The following LRRC75A variants were observed in gnomAD, a reference collection of about 807,000 sequenced individuals.
The protein encoded by LRRC75A is leucine-rich repeat-containing protein 75A.
In LRRC75A, 12 loss-of-function variants were observed where a neutral mutation model predicts 26.0. The ratio of observed to expected loss-of-function variants is 0.46; its 90% confidence interval spans 0.30 to 0.75. The LOEUF is 0.75. Among genes scored for constraint, LRRC75A ranks in the 30% least tolerant of loss-of-function variants. The pLI is 0.08. For missense variants in LRRC75A, 410 were observed against 486.6 expected, an observed-to-expected ratio of 0.84 and a Z score of 1.48; for synonymous variants, 223 against 219.3, an observed-to-expected ratio of 1.02 and a Z score of -0.15.
At chr17:16,477,702 G>A (rs1374789543) in intron 1 of LRRC75A, among the ~76,000 whole-genome samples, 1 of 152,194 alleles carries the variant, frequency 6.6e-6, no homozygotes, top group Non-Finnish European at 1.5e-5. Flanking sequence ...CCAAGGGGCT[G>A]CCAGACTGCC....
intron 2 of LRRC75A, among the ~76,000 whole-genome samples, chr17:16,453,929 T>C (rs2093655857): frequency 6.6e-6 from 1 of 152,016 alleles, no homozygotes; most frequent in East Asian, 1.9e-4. Context: ...CTCCCTTCTG[T>C]CTTGAAGACC....
At chr17:16,458,760 C>T (rs762547786) in intron 2 of LRRC75A, among the ~76,000 whole-genome samples, 15 of 152,120 alleles carry the variant, frequency 9.9e-5, no homozygotes, top group African/African-American at 1.4e-4. Flanking sequence ...TGTGAGCCAC[C>T]GAGACTGGCA....
chr17:16,479,269 A>G (rs1568984679), intron 1 of LRRC75A, among the ~76,000 whole-genome samples: 2 of 152,196 alleles, frequency 1.3e-5, no homozygotes, highest in Non-Finnish European at 2.9e-5. Flanking sequence ...TCCTCGATTC[A>G]AGAGAAAGAG....
At chr17:16,455,662 G>A (rs1163170962) in intron 2 of LRRC75A, among the ~76,000 whole-genome samples, 2 of 152,088 alleles carry the variant, frequency 1.3e-5, no homozygotes, top group South Asian at 4.1e-4. Flanking sequence ...ACAAACTATA[G>A]TCCCATACCT....
chr17:16,464,733 C>A (rs1175721915), intron 1 of LRRC75A, among the ~76,000 whole-genome samples: 1 of 152,250 alleles, frequency 6.6e-6, no homozygotes, highest in Non-Finnish European at 1.5e-5. Flanking sequence ...AGAGTCCACA[C>A]TGGCCTCATG....
In LRRC75A at chr17:16,491,775, C is replaced by G; in HGVS notation, c.216G>C (p.Glu72Asp). ...GCAGGTGCTGCAGCAGCGTCCCCGC[C>G]TCCTCCCGCCGGCCCTGGCGCACCA... is the stretch of plus-strand genomic sequence containing the variant. ...LRMVRQGRRE[E>D]AGTLLQHLRQ... Residue 72 changes from glutamate to aspartate, a missense_variant, in exon 1 of 4, where the codon GAG (glutamate) becomes GAC (aspartate). Transcript: ENST00000470794. This position sits in a 1 kb window ranked among gnomAD's most constrained non-coding sequence, Gnocchi z 5.9. The G allele has an allele frequency of 7.0e-7, 1 of 1,431,046 alleles. No individual in the cohort carries two copies. The highest frequency in any genetic ancestry group is 9.1e-7 in the Non-Finnish European group (1 of 1,093,100). 88.6% of individuals were successfully genotyped at this position (1,431,046 alleles called of 1,614,324 possible). A position where few individuals can be genotyped will look rare whatever the true frequency, so the allele number is the denominator to read the frequency against.
At chr17:16,479,138 C>T (rs1015500894) in intron 1 of LRRC75A, among the ~76,000 whole-genome samples, 4 of 152,256 alleles carry the variant, frequency 2.6e-5, no homozygotes, top group African/African-American at 2.4e-5. Context: ...AGTCCAGATC[C>T]ACTCAGGTTG....
intron 2 of LRRC75A, among the ~76,000 whole-genome samples, chr17:16,452,099 C>T (rs2143015029): frequency 6.7e-6 from 1 of 150,118 alleles, no homozygotes; most frequent in African/African-American, 2.5e-5. Context: ...CTCTTGTAAT[C>T]CCAGCACTTT....
intron 2 of LRRC75A, among the ~76,000 whole-genome samples, chr17:16,451,818 C>T (rs998772256): frequency 1.3e-5 from 2 of 149,588 alleles, no homozygotes; most frequent in African/African-American, 4.9e-5. Context: ...GATCTTGGCT[C>T]ACTGCAAGCT....
At chr17:16,466,228 G>A (rs2093767827) in intron 1 of LRRC75A, among the ~76,000 whole-genome samples, 1 of 152,200 alleles carries the variant, frequency 6.6e-6, no homozygotes, top group Admixed American at 6.5e-5. Flanking sequence ...GGCTGGGTGT[G>A]AGGGAGGAGA....
chr17:16,459,808 C>T (rs1374502849), intron 2 of LRRC75A, among the ~76,000 whole-genome samples: 1 of 152,162 alleles, frequency 6.6e-6, no homozygotes, highest in Admixed American at 6.5e-5. Flanking sequence ...GCCTGGGGAC[C>T]TCCCACCCCT....
rs190449271 is a variant in LRRC75A, at chr17:16,445,081, T to A, written c.492-950A>T. On this transcript the variant is annotated intron_variant, in intron 3 of 3. Transcript: ENST00000470794. ...CCAGACTGGTCTGGAACTCCTGACC[T>A]CAGGTAATCCACCCATCTCGGCCTC... is the stretch of plus-strand genomic sequence containing the variant. Among the ~76,000 whole-genome samples, 126 of 148,970 alleles carry A rather than the reference T, an allele frequency of 8.5e-4. No homozygotes were observed. In the South Asian group the frequency reaches 0.01, roughly 12 times the overall value.
intron 2 of LRRC75A, among the ~76,000 whole-genome samples, chr17:16,451,658 C>A: frequency 6.6e-6 from 1 of 151,322 alleles, no homozygotes. Flanking sequence ...ATAAATAAAA[C>A]AGAGAATAGG....
chr17:16,464,387 A>G (rs1048856719), intron 1 of LRRC75A, among the ~76,000 whole-genome samples: 2 of 152,108 alleles, frequency 1.3e-5, no homozygotes, highest in Admixed American at 1.3e-4. Flanking sequence ...GGCTTTTTCA[A>G]TCCCTCAGCC....
intron 1 of LRRC75A, among the ~76,000 whole-genome samples, chr17:16,469,427 C>A (rs2093793684): frequency 6.6e-6 from 1 of 152,146 alleles, no homozygotes; most frequent in Non-Finnish European, 1.5e-5. Context: ...GGTTCAGGTT[C>A]CAGGGTATCT....
intron 1 of LRRC75A, among the ~76,000 whole-genome samples, chr17:16,488,632 G>A (rs1235304342): frequency 6.6e-6 from 1 of 152,214 alleles, no homozygotes; most frequent in Non-Finnish European, 1.5e-5. Context: ...ACTGAGGACC[G>A]GAAGGCGAGC....
At chr17:16,487,682 G>A (rs1220782844) in intron 1 of LRRC75A, among the ~76,000 whole-genome samples, 1 of 152,212 alleles carries the variant, frequency 6.6e-6, no homozygotes, top group Non-Finnish European at 1.5e-5. Flanking sequence ...TCATCTGCCT[G>A]CCTCAGCCTC....
At chr17:16,458,231 C>T (rs1265526725) in intron 2 of LRRC75A, among the ~76,000 whole-genome samples, 1 of 151,846 alleles carries the variant, frequency 6.6e-6, no homozygotes, top group Non-Finnish European at 1.5e-5. Flanking sequence ...CGCTTAAACC[C>T]GGGAGGCAGA....
At chr17:16,488,872 T>G (rs1205782081) in intron 1 of LRRC75A, among the ~76,000 whole-genome samples, 1 of 152,036 alleles carries the variant, frequency 6.6e-6, no homozygotes, top group East Asian at 1.9e-4. Context: ...TCAGAAGAAG[T>G]GGCACCAGCA....
Sources: gnomAD v4.1 joint callset for allele counts (sites outside exome capture counted in the v4.1 genomes callset) on GRCh38, gnomAD v4.1.1 for gene constraint, Gnocchi (gnomAD v3.1) non-coding constraint, MANE v1.5 for transcripts, NCBI Gene and HGNC (gene_info 2026-07-23, HGNC 2026-07-21) for gene names.